RNF128: variants seen among roughly 807,000 people sequenced by gnomAD.
RNF128 encodes E3 ubiquitin-protein ligase RNF128.
A neutral mutation model predicts 26.2 loss-of-function variants in RNF128; 13 were observed. That is an observed-to-expected ratio of 0.50 (90% CI 0.32 to 0.79). RNF128 has a LOEUF of 0.79. Among genes scored for constraint, RNF128 ranks in the 30% least tolerant of loss-of-function variants. The pLI, the probability that RNF128 is intolerant of heterozygous loss-of-function variation, is 0.03. For synonymous variants in RNF128, 149 were observed against 142.5 expected, an observed-to-expected ratio of 1.05 and a Z score of -0.32; for missense variants, 315 against 349.7, an observed-to-expected ratio of 0.90 and a Z score of 0.79.
chrX:106,729,408 T>A, intron 1 of RNF128, among the ~76,000 whole-genome samples: 1 of 109,401 alleles, frequency 9.1e-6, no homozygotes, highest in Non-Finnish European at 1.9e-5. Context: ...TTATTAAGGA[T>A]TATATATATA....
rs757271449 is a variant in RNF128 at position 106,793,052 on chromosome X, G to C, written c.1153+1818G>C. Among the ~76,000 whole-genome samples the C allele has an allele frequency of 2.3e-4, 26 of 111,575 alleles. 1 individual carries two copies. Among genetic ancestry groups the C allele is most frequent in the Non-Finnish European group, 7.5e-5 (4 of 52,988 alleles). On this transcript the variant is annotated intron_variant, in intron 6 of 6. Transcript: ENST00000255499. ...CATCATTGGGCTAAGTTCTATTAGAGCACTGGTTTTCAAACTTAAGTATTC... is the reference window on the plus strand; with the variant it reads ...CATCATTGGGCTAAGTTCTATTAGACCACTGGTTTTCAAACTTAAGTATTC...
chrX:106,791,154 G>T lies in RNF128; in HGVS notation c.1073G>T (p.Arg358Leu). ...NSASSHEEDN[R>L]SETASSGYAS... The stretch of plus-strand genomic sequence containing the variant: ...GCCTCCTCCCATGAAGAGGATAATC[G>T]CAGCGAGACCGCATCATCTGGATAT... The change falls in exon 6 of 7, where the codon CGC (arginine) becomes CTC (leucine). Residue 358 changes from arginine to leucine, a missense_variant. Physicochemically the swap from Arg to Leu is moderately radical, Grantham distance 102 (BLOSUM62 -2). Transcript: ENST00000255499. The T allele has an allele frequency of 8.3e-7, 1 of 1,209,120 alleles. No homozygotes were observed. The highest frequency in any genetic ancestry group is 1.8e-5 in the South Asian group (1 of 56,838).
rs551707349 is a variant in RNF128, at chrX:106,739,949, G to T, written c.484+12552G>T. Among the ~76,000 whole-genome samples, 10 of 111,354 alleles carry T rather than the reference G, an allele frequency of 9.0e-5. No homozygotes were observed. In the South Asian group the frequency reaches 3.8e-3, roughly 42 times the overall value. ...CTTGCACCCTTGGATTTTGTGGCCA[G>T]GTCAAAATGAATACCTAATCTCTCA... On this transcript the variant is annotated intron_variant, in intron 1 of 6. Transcript: ENST00000255499.
At chrX:106,751,540 C>T (rs773322885) in intron 1 of RNF128, among the ~76,000 whole-genome samples, 18 of 110,878 alleles carry the variant, frequency 1.6e-4, no homozygotes, top group Non-Finnish European at 3.2e-4. Flanking sequence ...GTGCTGGGCT[C>T]AGAACCAGAG....
chrX:106,766,350 A>G (rs750251807), intron 1 of RNF128, among the ~76,000 whole-genome samples: 2 of 111,809 alleles, frequency 1.8e-5, no homozygotes, highest in East Asian at 2.8e-4. Flanking sequence ...AGGAGTTCCT[A>G]TTTCTCCACA....
Position 106,702,362 on chromosome X carries a change from T to C in RNF128, c.406+7954T>C, listed in dbSNP as rs759110955. On this transcript the variant is annotated intron_variant, in intron 1 of 6. Coordinates refer to the RNF128 transcript ENST00000324342. ...TGGCCTCTTCCTCCTAAATTTTTAATGTTTCATTTATTATGTTATGATTTG... is the reference window on the plus strand; with the variant it reads ...TGGCCTCTTCCTCCTAAATTTTTAACGTTTCATTTATTATGTTATGATTTG... Among the ~76,000 whole-genome samples, 6 of 111,999 alleles carry C rather than the reference T, an allele frequency of 5.4e-5. No individual in the cohort carries two copies. The East Asian group carries it at 1.7e-3, about 32-fold the overall frequency.
upstream of RNF128, among the ~76,000 whole-genome samples, chrX:106,724,450 G>A (rs371009977): frequency 9.9e-5 from 11 of 110,607 alleles, no homozygotes; most frequent in East Asian, 5.7e-4. Flanking sequence ...ATTACTCCTC[G>A]TTTTTGGATA....
chrX:106,708,953 C>T (rs1302705666), intron 1 of RNF128, among the ~76,000 whole-genome samples: 1 of 111,683 alleles, frequency 9.0e-6, no homozygotes, highest in Non-Finnish European at 1.9e-5. Context: ...ATGAATACTT[C>T]CTAAAGCACT....
intron 1 of RNF128, among the ~76,000 whole-genome samples, chrX:106,717,366 TA>T (rs957029779): frequency 1.5e-4 from 17 of 111,503 alleles, no homozygotes; most frequent in African/African-American, 4.6e-4. Context: ...TACAATAATC[TA>T]AAAAAAATTA....
intron 1 of RNF128, among the ~76,000 whole-genome samples, chrX:106,767,580 G>A (rs1207080544): frequency 8.9e-6 from 1 of 112,042 alleles, no homozygotes; most frequent in African/African-American, 3.2e-5. Context: ...CTGAGACTTT[G>A]CTGAAGTTGC....
At chrX:106,748,682 G>A (rs911445700) in intron 1 of RNF128, among the ~76,000 whole-genome samples, 2 of 111,656 alleles carry the variant, frequency 1.8e-5, no homozygotes, top group African/African-American at 6.5e-5. Context: ...AAAGACAAAT[G>A]TCACATGTTC....
intron 2 of RNF128, 95 bp downstream of exon 2, chrX:106,773,255 CAAT>C: frequency 1.2e-6 from 1 of 845,291 alleles, no homozygotes; most frequent in South Asian, 2.7e-5. Context: ...ACTTGCTAGA[CAAT>C]GATCTCCCCA....
chrX:106,758,293 G>A (rs1206264401), intron 1 of RNF128, among the ~76,000 whole-genome samples: 1 of 111,783 alleles, frequency 8.9e-6, no homozygotes, highest in South Asian at 3.7e-4. Context: ...CAAAAAGATG[G>A]AAAGATATTC....
At chrX:106,727,870 C>T (rs764544886) in intron 1 of RNF128, among the ~76,000 whole-genome samples, 4 of 111,183 alleles carry the variant, frequency 3.6e-5, no homozygotes, top group Non-Finnish European at 7.5e-5. Context: ...GATTGTGCTA[C>T]TGTGCCCTGT....
chrX:106,739,116 TCTTCCTTCCTTCCTTTTTTC>T lies in RNF128; in HGVS notation c.484+11735_484+11754del, dbSNP rs1929651523. On this transcript the variant is annotated intron_variant, in intron 1 of 6. Coordinates refer to ENST00000255499, the MANE Select transcript of RNF128 (RefSeq NM_194463.2). ...TTCTCTCTTCTATTCTCTTCTCTTC[TCTTCCTTCCTTCCTTTTTTC>T]CTTCCTTCCTTCCTTCCTTCTTTCT... 5.5e-5 allele frequency among the ~76,000 whole-genome samples: 6 copies of T among 109,817 alleles called. No individual in the cohort carries two copies. In the South Asian group the frequency reaches 1.9e-3, roughly 35 times the overall value.
intron 1 of RNF128, among the ~76,000 whole-genome samples, chrX:106,753,468 C>CA (rs1037840524): frequency 2.7e-5 from 3 of 109,563 alleles, no homozygotes; most frequent in African/African-American, 9.9e-5. Flanking sequence ...ACAGATACAC[C>CA]AAAAAATAAA....
At chrX:106,709,642 G>T (rs1259276856) in intron 1 of RNF128, among the ~76,000 whole-genome samples, 1 of 110,853 alleles carries the variant, frequency 9.0e-6, no homozygotes, top group African/African-American at 3.3e-5. Context: ...TGCCTCCCGG[G>T]TTCAAGAAAT....
At chrX:106,722,998 C>A (rs1351620494), upstream of RNF128, among the ~76,000 whole-genome samples, 1 of 111,463 alleles carries the variant, frequency 9.0e-6, no homozygotes, top group Non-Finnish European at 1.9e-5. Flanking sequence ...CCTCACTAGT[C>A]TCTTTTTCAT....
chrX:106,768,679 T>C (rs1930301868), intron 1 of RNF128, among the ~76,000 whole-genome samples: 1 of 111,587 alleles, frequency 9.0e-6, no homozygotes, highest in Non-Finnish European at 1.9e-5. Flanking sequence ...CCTGGATTCA[T>C]TGATTTTTTG....
Sources: gnomAD v4.1 joint callset for allele counts (sites outside exome capture counted in the v4.1 genomes callset) on GRCh38, gnomAD v4.1.1 for gene constraint, MANE v1.5 for transcripts, NCBI Gene and HGNC (gene_info 2026-07-23, HGNC 2026-07-21) for gene names.